Variants in KCNH8 observed in about 807,000 individuals in gnomAD.
The protein encoded by KCNH8 is voltage-gated delayed rectifier potassium channel KCNH8.
Under a neutral mutation model 103.6 loss-of-function variants are expected in KCNH8, and 70 were observed. The ratio of observed to expected loss-of-function variants is 0.68; its 90% CI spans 0.56 to 0.82. KCNH8 has a LOEUF of 0.82. KCNH8 is among the 40% of genes least tolerant of loss of function. The pLI, the probability that KCNH8 is intolerant of heterozygous loss-of-function variation, is 0.00. For missense variants in KCNH8, 1,217 were observed against 1,329.9 expected, an observed-to-expected ratio of 0.92 and a Z score of 1.32; for synonymous variants, 498 against 489.4, an observed-to-expected ratio of 1.02 and a Z score of -0.23.
intron 1 of KCNH8, among the ~76,000 whole-genome samples, chr3:19,211,956 G>A (rs1235693085): frequency 6.6e-6 from 1 of 152,176 alleles, no homozygotes; most frequent in Non-Finnish European, 1.5e-5. Context: ...CACTGAGGAT[G>A]ATAGGTAGCT....
intron 3 of KCNH8, chr3:19,315,043 G>T (rs1322604522): frequency 6.6e-6 from 1 of 152,018 alleles, no homozygotes; most frequent in Non-Finnish European, 1.5e-5. Flanking sequence ...TGAAGATCAG[G>T]TTAGGATTCT....
chr3:19,373,570 C>T (rs2066139024), intron 5 of KCNH8, among the ~76,000 whole-genome samples: 2 of 152,052 alleles, frequency 1.3e-5, no homozygotes, highest in Non-Finnish European at 2.9e-5. Context: ...CTCCTGGATT[C>T]ATTAATTTTT....
chr3:19,489,563 A>C (rs961371695), intron 11 of KCNH8, among the ~76,000 whole-genome samples: 1 of 152,110 alleles, frequency 6.6e-6, no homozygotes, highest in Admixed American at 6.6e-5. Flanking sequence ...AATGCTGGCC[A>C]GTCTATCTCA....
At chr3:19,219,469 A>C (rs1450817233) in intron 1 of KCNH8, among the ~76,000 whole-genome samples, 4 of 152,154 alleles carry the variant, frequency 2.6e-5, no homozygotes, top group Admixed American at 2.0e-4. Context: ...ACTGAACTTG[A>C]GACTTAACAA....
At position 19,317,066 on chromosome 3, in the gene KCNH8, A is replaced by G. The variant is rs571617023; in HGVS notation, c.443-25521A>G. On this transcript the variant is annotated intron_variant, in intron 3 of 15. Transcript: ENST00000328405. ...GATTTATTCATAGATAATCTGTTCTATTCTTTCACACTCAAGATATGGCCA... is the reference window on the plus strand; with the variant it reads ...GATTTATTCATAGATAATCTGTTCTGTTCTTTCACACTCAAGATATGGCCA... Among the ~76,000 whole-genome samples the G allele has an allele frequency of 2.6e-5, 4 of 151,862 alleles. No individual in the cohort carries two copies. In the East Asian group the frequency reaches 7.8e-4, roughly 29 times the overall value.
chr3:19,254,238 G>C (rs1025998613), intron 2 of KCNH8, among the ~76,000 whole-genome samples: 3 of 151,594 alleles, frequency 2.0e-5, no homozygotes, highest in African/African-American at 7.3e-5. Context: ...TTTTATCCAG[G>C]AGTATTTCTC....
intron 3 of KCNH8, among the ~76,000 whole-genome samples, chr3:19,305,031 A>G (rs2065112402): frequency 6.6e-6 from 1 of 152,048 alleles, no homozygotes; most frequent in Non-Finnish European, 1.5e-5. Flanking sequence ...ATCTAAAAAC[A>G]TGAGTTTCCA....
chr3:19,307,416 AGGG>A, intron 3 of KCNH8, among the ~76,000 whole-genome samples: 1 of 152,094 alleles, frequency 6.6e-6, no homozygotes, highest in Non-Finnish European at 1.5e-5. Flanking sequence ...TGTGGAGAAA[AGGG>A]AACTCTTATA....
At chr3:19,507,361 TGAG>T (rs1353785291) in intron 11 of KCNH8, among the ~76,000 whole-genome samples, 1 of 152,128 alleles carries the variant, frequency 6.6e-6, no homozygotes, top group Non-Finnish European at 1.5e-5. Flanking sequence ...TCAGCTATGA[TGAG>T]GAGGCTGATC....
intron 3 of KCNH8, among the ~76,000 whole-genome samples, chr3:19,334,438 A>G (rs773820317): frequency 6.6e-6 from 1 of 152,142 alleles, no homozygotes. Flanking sequence ...GCAAAACCTC[A>G]TCTTTAAAAA....
chr3:19,488,222 T>C (rs2068249845), intron 11 of KCNH8, among the ~76,000 whole-genome samples: 1 of 152,198 alleles, frequency 6.6e-6, no homozygotes, highest in Non-Finnish European at 1.5e-5. Flanking sequence ...GGAGCATTGG[T>C]TACATTGAAA....
intron 3 of KCNH8, among the ~76,000 whole-genome samples, chr3:19,340,365 T>C (rs1384132246): frequency 1.3e-5 from 2 of 150,674 alleles, no homozygotes; most frequent in Non-Finnish European, 3.0e-5. Flanking sequence ...TAATTTTTTT[T>C]TTTTTTATTA....
At chr3:19,182,984 G>A (rs2063470011) in intron 1 of KCNH8, among the ~76,000 whole-genome samples, 1 of 152,184 alleles carries the variant, frequency 6.6e-6, no homozygotes, top group Non-Finnish European at 1.5e-5. Context: ...AATTTAAGTA[G>A]TTTTCAATGC....
chr3:19,202,785 A>G (rs943493802), intron 1 of KCNH8, among the ~76,000 whole-genome samples: 2 of 152,138 alleles, frequency 1.3e-5, no homozygotes, highest in African/African-American at 4.8e-5. Context: ...AACAGAGTAA[A>G]AAAAGAAATG....
At chr3:19,300,888 T>G (rs2065056615) in intron 3 of KCNH8, among the ~76,000 whole-genome samples, 1 of 151,870 alleles carries the variant, frequency 6.6e-6, no homozygotes, top group Non-Finnish European at 1.5e-5. Flanking sequence ...ATTTTCTACC[T>G]TTTGCCTAAA....
At chr3:19,251,494 G>A (rs755569956) in intron 1 of KCNH8, among the ~76,000 whole-genome samples, 16 of 152,040 alleles carry the variant, frequency 1.1e-4, no homozygotes, top group Middle Eastern at 3.2e-3. Flanking sequence ...GCTGATTGGA[G>A]CAAAGCTGAG....
At chr3:19,164,747 G>A (rs1020978005) in intron 1 of KCNH8, among the ~76,000 whole-genome samples, 4 of 152,122 alleles carry the variant, frequency 2.6e-5, no homozygotes, top group Admixed American at 6.5e-5. Flanking sequence ...ATATAAAGTC[G>A]CCAACTGGCA....
chr3:19,525,180 A>G (rs1202007476), intron 15 of KCNH8, among the ~76,000 whole-genome samples: 1 of 151,904 alleles, frequency 6.6e-6, no homozygotes, highest in Non-Finnish European at 1.5e-5. Flanking sequence ...CAAGTAATAT[A>G]ACATAAATAT....
intron 1 of KCNH8, among the ~76,000 whole-genome samples, chr3:19,186,990 A>T (rs1285464522): frequency 6.6e-6 from 1 of 152,128 alleles, no homozygotes; most frequent in Non-Finnish European, 1.5e-5. Context: ...AGCCATAGAT[A>T]ATACATAAAC....
Sources: allele counts gnomAD v4.1 joint callset (sites outside exome capture counted in the v4.1 genomes callset), GRCh38; gene constraint gnomAD v4.1.1; transcripts MANE v1.5; gene names NCBI Gene and HGNC (gene_info 2026-07-23, HGNC 2026-07-21).